The following EDEM1 variants were observed in gnomAD, a reference collection of about 807,000 sequenced individuals.
EDEM1 encodes ER degradation enhancing alpha-mannosidase like protein 1, also known as ER degradation-enhancing alpha-mannosidase-like protein 1.
EDEM1 carries 67 observed loss-of-function variants against 74.4 expected under a neutral mutation model. The observed-to-expected ratio is 0.90, with a 90% confidence interval of 0.74 to 1.10. EDEM1 has a LOEUF of 1.10. Ranked by LOEUF, EDEM1 falls within the 50% of genes least tolerant of loss-of-function variation. EDEM1 has a pLI of 0.00. For missense variants in EDEM1, 926 were observed against 851.6 expected (o/e 1.09, Z -1.09); for synonymous variants, 382 against 335.9 (o/e 1.14, Z -1.50).
At chr3:5,188,535 T>A in intron 1 of EDEM1, 1 of 428,640 alleles carries the variant, frequency 2.3e-6, no homozygotes, top group Non-Finnish European at 3.9e-6. Context: ...TCTCCCGGAA[T>A]CTCCAAACTT....
intron 11 of EDEM1, among the ~76,000 whole-genome samples, 164 bp from the exon 12 acceptor site, chr3:5,215,665 G>C (rs1157023748): frequency 6.6e-6 from 1 of 152,200 alleles, no homozygotes; most frequent in Non-Finnish European, 1.5e-5. Flanking sequence ...GGAGAGGCAA[G>C]GGGTGCTGCT....
In EDEM1 at chr3:5,187,755, G is replaced by A. The variant is rs763266206; in HGVS notation, c.-51G>A. ...GGGGCGAGCGCGGGGTGCGGTGGTC[G>A]GCGGGGAGGCCCCCGCGCTTTAAAA... On this transcript the variant is annotated 5_prime_UTR_variant, in exon 1 of 12. Transcript: ENST00000256497. The A allele has an allele frequency of 1.4e-6, 2 of 1,465,596 alleles. No individual in the cohort carries two copies. The highest frequency in any genetic ancestry group is 1.5e-5 in the African/African-American group (1 of 68,058). The allele number at this position is 1,465,596 out of a possible 1,614,324, so 90.8% of individuals were successfully genotyped here. A position where few individuals can be genotyped will look rare whatever the true frequency, so the allele number is the denominator to read the frequency against.
chr3:5,219,227 A>G lies in EDEM1; in HGVS notation c.*3309A>G, dbSNP rs1338272650. The stretch of plus-strand genomic sequence containing the variant: ...CATTCCTTTCTGCTTTCTGGAGGGC[A>G]CCAGGGGCCTTTCTCTTTGATAAAT... On this transcript the variant is annotated 3_prime_UTR_variant, in exon 12 of 12. Transcript: ENST00000256497. 5 of 152,194 alleles carry G rather than the reference A, an allele frequency of 3.3e-5. No individual in the cohort carries two copies. The highest frequency in any genetic ancestry group is 3.3e-4 in the Admixed American group (5 of 15,270). 9.4% of individuals were successfully genotyped at this position (152,194 alleles called of 1,614,324 possible).
chr3:5,204,786 C>T (rs1427723903), intron 5 of EDEM1, among the ~76,000 whole-genome samples: 1 of 152,168 alleles, frequency 6.6e-6, no homozygotes, highest in Non-Finnish European at 1.5e-5. Context: ...TTTTGAAATG[C>T]ATCGTCAATC....
intron 10 of EDEM1, chr3:5,211,450 C>G: frequency 2.1e-6 from 1 of 467,150 alleles, no homozygotes; most frequent in Non-Finnish European, 4.0e-6. Context: ...TGATTACAAA[C>G]TGTGGGAAAT....
chr3:5,190,241 G>C (rs990425844), intron 1 of EDEM1, among the ~76,000 whole-genome samples: 1 of 152,156 alleles, frequency 6.6e-6, no homozygotes, highest in Admixed American at 6.5e-5. Flanking sequence ...TTTTCCACTA[G>C]TGCTCTTGGT....
At position 5,188,175 on chromosome 3, in the gene EDEM1, C is replaced by T. The variant is rs199602685; in HGVS notation, c.370C>T (p.Pro124Ser). Residue 124 changes from proline (P) to serine (S), a missense_variant, in exon 1 of 12, where the codon CCG (proline) becomes TCG (serine). Coordinates refer to ENST00000256497, the MANE Select transcript of EDEM1 (RefSeq NM_014674.3). ...YEKRYSGAFP[P>S]QLRAQMRDLA... ...GAAGCGCTACAGCGGCGCCTTCCCT[C>T]CGCAGCTGCGTGCCCAGATGCGCGA... 5 of 1,562,132 alleles carry T rather than the reference C, an allele frequency of 3.2e-6. No individual in the cohort carries two copies. In the South Asian group the frequency reaches 4.7e-5, roughly 15 times the overall value.
intron 6 of EDEM1, 117 bp from the exon 7 acceptor site, chr3:5,207,032 GAGTT>G: frequency 7.4e-7 from 1 of 1,354,658 alleles, no homozygotes; most frequent in Non-Finnish European, 1.0e-6. Flanking sequence ...TTTAAGGAAT[GAGTT>G]AGGAGAAAAA....
intron 5 of EDEM1, among the ~76,000 whole-genome samples, chr3:5,204,580 CAG>C (rs1414245963): frequency 1.3e-5 from 2 of 152,100 alleles, no homozygotes; most frequent in Non-Finnish European, 2.9e-5. Flanking sequence ...TTGGTAGAGA[CAG>C]AGTTTCACCA....
chr3:5,201,742 C>T lies in EDEM1; in HGVS notation c.687-11C>T, dbSNP rs2055037137. 4 of 1,613,462 alleles carry T rather than the reference C, an allele frequency of 2.5e-6. No homozygotes were observed. The South Asian group carries it at 4.4e-5, about 18-fold the overall frequency. On this transcript the variant is annotated splice_polypyrimidine_tract_variant and intron_variant, in intron 3 of 11. Coordinates refer to ENST00000256497, the MANE Select transcript of EDEM1 (RefSeq NM_014674.3). ...ACGATTGTATTATCTTTTTGTTCTT[C>T]CTGTCATTAGGGTCCTGGGAAGCCT...
chr3:5,200,261 A>G (rs1017291758), intron 3 of EDEM1, among the ~76,000 whole-genome samples: 37 of 152,200 alleles, frequency 2.4e-4, no homozygotes, highest in African/African-American at 8.9e-4. Flanking sequence ...GGTGTAAAAT[A>G]GGTGTCTGTC....
chr3:5,216,483 A>G lies in EDEM1; in HGVS notation c.*565A>G, dbSNP rs1201469802. The G allele has an allele frequency of 2.6e-5, 4 of 152,280 alleles. No homozygotes were observed. The highest frequency in any genetic ancestry group is 3.4e-3 in the Middle Eastern group (1 of 294). The allele number at this position is 152,280 out of a possible 1,614,324, so 9.4% of individuals were successfully genotyped here. On this transcript the variant is annotated 3_prime_UTR_variant, in exon 12 of 12. Coordinates refer to ENST00000256497, the MANE Select transcript of EDEM1 (RefSeq NM_014674.3). Reference sequence around the variant, plus strand: ...GAATGAAATTTCTGCAAAAGGGCCCATGGTTCATTTGGTATCCCTATTTAA... The same window carrying G: ...GAATGAAATTTCTGCAAAAGGGCCCGTGGTTCATTTGGTATCCCTATTTAA...
At position 5,215,870 on chromosome 3, in the gene EDEM1, A is replaced by T; in HGVS notation, c.1926A>T (p.Leu642Phe). ...ATGAGAGGAGGTACTCCCTGCCCTTAAAGAGCATCTACATGCGACAGATTG... is the reference window on the plus strand; with the variant it reads ...ATGAGAGGAGGTACTCCCTGCCCTTTAAGAGCATCTACATGCGACAGATTG... ...VPDERRYSLP[L>F]KSIYMRQIDQ... is the part of the protein sequence containing the mutation. Residue 642 changes from leucine to phenylalanine, a missense_variant, in exon 12 of 12, where the codon TTA becomes TTT. Transcript: ENST00000256497. 1 of 1,613,128 alleles carries T rather than the reference A, an allele frequency of 6.2e-7. No individual in the cohort carries two copies. Among genetic ancestry groups the T allele is most frequent in the African/African-American group, 1.3e-5 (1 of 75,004 alleles).
At chr3:5,206,747 C>T (rs1002323167) in intron 6 of EDEM1, among the ~76,000 whole-genome samples, 3 of 152,184 alleles carry the variant, frequency 2.0e-5, no homozygotes, top group African/African-American at 7.2e-5. Context: ...TGCATTTCTC[C>T]AGGCCCATGC....
chr3:5,197,882 C>T (rs187788366), intron 2 of EDEM1, among the ~76,000 whole-genome samples: 6 of 152,196 alleles, frequency 3.9e-5, no homozygotes, highest in Admixed American at 3.9e-4. Flanking sequence ...TGTAGTTAGG[C>T]ACAGCTTGGT....
Position 5,216,404 on chromosome 3 carries a change from A to T in EDEM1, c.*486A>T, listed in dbSNP as rs1279938754. 1 of 152,378 alleles carries T rather than the reference A, an allele frequency of 6.6e-6. No individual in the cohort carries two copies. Among genetic ancestry groups the T allele is most frequent in the Non-Finnish European group, 1.5e-5 (1 of 68,230 alleles). 9.4% of individuals were successfully genotyped at this position (152,378 alleles called of 1,614,324 possible). A position where few individuals can be genotyped will look rare whatever the true frequency, so the allele number is the denominator to read the frequency against. On this transcript the variant is annotated 3_prime_UTR_variant, in exon 12 of 12. Transcript: ENST00000256497. ...TGCCTCAGCCTCCCGAGTAGCTGGG[A>T]TTACAGGTGAGCACCACTGTACCTG...
chr3:5,200,486 T>C (rs151015064), intron 3 of EDEM1, among the ~76,000 whole-genome samples: 4 of 152,350 alleles, frequency 2.6e-5, no homozygotes, highest in South Asian at 2.1e-4. Flanking sequence ...TCTATTTGTT[T>C]AGTGGATTGG....
chr3:5,213,540 G>A lies in EDEM1; in HGVS notation c.1884+18G>A, dbSNP rs2055194044. The A allele has an allele frequency of 6.3e-7, 1 of 1,590,630 alleles. No individual in the cohort carries two copies. The highest frequency in any genetic ancestry group is 1.7e-5 in the Admixed American group (1 of 57,576). On this transcript the variant is annotated intron_variant, in intron 11 of 11. Coordinates refer to ENST00000256497, the MANE Select transcript of EDEM1 (RefSeq NM_014674.3). The stretch of plus-strand genomic sequence containing the variant: ...GCTCCAACGTGAGTTGCTTTTTCCA[G>A]GGGTGATTTGCATATAGAGGAAGAG...
Position 5,219,368 on chromosome 3 carries a change from AT to A in EDEM1, c.*3451del, listed in dbSNP as rs1330724193. 6.6e-6 allele frequency: 1 copy of A among 152,108 alleles called. No homozygotes were observed. Among genetic ancestry groups the A allele is most frequent in the Non-Finnish European group, 1.5e-5 (1 of 68,008 alleles). The allele number at this position is 152,108 out of a possible 1,614,324, so 9.4% of individuals were successfully genotyped here. On this transcript the variant is annotated 3_prime_UTR_variant, in exon 12 of 12. Transcript: ENST00000256497. Reference sequence around the variant, plus strand: ...GGCTGAGCAGGAACTTTAGAAGAAAATCCTGAGCTTTCCTGTCCATTCCCAG... The same window carrying A: ...GGCTGAGCAGGAACTTTAGAAGAAAACCTGAGCTTTCCTGTCCATTCCCAG...
Sources: gnomAD v4.1 joint callset for allele counts (sites outside exome capture counted in the v4.1 genomes callset) on GRCh38, gnomAD v4.1.1 for gene constraint, MANE v1.5 for transcripts, NCBI Gene and HGNC (gene_info 2026-07-23, HGNC 2026-07-21) for gene names.